The following TRPM5 variants were observed in gnomAD, a reference collection of about 807,000 sequenced individuals.
TRPM5 encodes the protein transient receptor potential cation channel subfamily M member 5, also known as MLSN1 and TRP-related.
TRPM5 carries 121 observed loss-of-function variants against 124.9 expected under a neutral mutation model. That is an observed-to-expected ratio of 0.97 (90% confidence interval 0.84 to 1.13). The LOEUF is 1.13. Among genes scored for constraint, TRPM5 ranks in the 50% most tolerant of loss-of-function variants. TRPM5 has a pLI of 0.00. For synonymous variants in TRPM5, 781 were observed against 700.5 expected (o/e 1.11, Z -1.81); for missense variants, 1,643 against 1,589.1 (o/e 1.03, Z -0.58).
chr11:2,415,987 C>T, exon 8 of TRPM5: 1 of 1,588,658 alleles, frequency 6.3e-7, no homozygotes, highest in Non-Finnish European at 8.6e-7. Flanking sequence ...TGAGCTCATC[C>T]AGATAGTCCT....
chr11:2,422,395 G>A (rs1393348675), intron 1 of TRPM5, 74 bp from the exon 7 acceptor site: 4 of 953,048 alleles, frequency 4.2e-6, no homozygotes, highest in Non-Finnish European at 5.9e-6. Flanking sequence ...GGGGGGGCTG[G>A]ACACAAGGGG....
chr11:2,414,009 G>GGGGGGGGCCCCCCCCCCCCCC, intron 12 of TRPM5, 52 bp downstream of exon 17: 11 of 1,023,702 alleles, frequency 1.1e-5, no homozygotes, highest in South Asian at 1.5e-5. Context: ...GGCCCAGCTC[G>GGGGGGGGCCCCCCCCCCCCCC]CCCGCCCACC....
the TRPM5 span, among the ~76,000 whole-genome samples, chr11:2,436,590 G>C: frequency 6.6e-6 from 1 of 152,360 alleles, no homozygotes; most frequent in South Asian, 2.1e-4. Context: ...GGAGGCCTCA[G>C]ACCTTTAGAT....
At chr11:2,412,813 C>T (rs1850478594) in exon 15 of TRPM5, 1 of 1,604,838 alleles carries the variant, frequency 6.2e-7, no homozygotes, top group Non-Finnish European at 8.5e-7. Context: ...ACCTCGGGCC[C>T]TGAGGGGCCC....
At chr11:2,432,018 A>G in the TRPM5 span, among the ~76,000 whole-genome samples, 1 of 152,192 alleles carries the variant, frequency 6.6e-6, no homozygotes, top group Non-Finnish European at 1.5e-5. Context: ...GAGCACTGCC[A>G]TCAAGGCAGA....
intron 2 of TRPM5, 65 bp from the exon 8 acceptor site, chr11:2,421,263 C>A (rs1845769067): frequency 5.3e-6 from 8 of 1,495,496 alleles, no homozygotes; most frequent in African/African-American, 1.4e-5. Context: ...TGGCCCCACG[C>A]CCTAACCCCT....
chr11:2,420,289 G>A (rs763955838), exon 4 of TRPM5: 24 of 1,612,282 alleles, frequency 1.5e-5, no homozygotes, highest in Middle Eastern at 3.3e-4. Context: ...TCAGCCCATC[G>A]CCCTTCCCCG....
intron 4 of TRPM5, among the ~76,000 whole-genome samples, chr11:2,419,634 A>C (rs995547113): frequency 2.6e-5 from 4 of 151,886 alleles, no homozygotes; most frequent in Non-Finnish European, 2.9e-5. Flanking sequence ...AAAAAAAAAA[A>C]AAAAAACAGA....
the TRPM5 span, among the ~76,000 whole-genome samples, chr11:2,434,145 A>G: frequency 7.1e-6 from 1 of 141,326 alleles, no homozygotes; most frequent in Non-Finnish European, 1.5e-5. Context: ...GTGTGTGTGG[A>G]GGCTGTGTGT....
intron 11 of TRPM5, 49 bp from the exon 17 acceptor site, chr11:2,414,255 C>A: frequency 6.4e-7 from 1 of 1,561,636 alleles, no homozygotes. Flanking sequence ...ATGCCCGGCC[C>A]GGCCCCCGAC....
chr11:2,435,233 G>A, the TRPM5 span, among the ~76,000 whole-genome samples: 1 of 152,186 alleles, frequency 6.6e-6, no homozygotes, highest in South Asian at 2.1e-4. This position sits in a 1 kb window ranked among gnomAD's most constrained non-coding sequence, Gnocchi z 4.1. Flanking sequence ...GAAAAATAAA[G>A]CAGGGGAGGC....
At chr11:2,415,148 G>A (rs754753125) in exon 9 of TRPM5, 5 of 1,574,866 alleles carry the variant, frequency 3.2e-6, no homozygotes, top group Admixed American at 1.8e-5. Context: ...CTGGCCGGCC[G>A]TCCTGGTAGA....
At chr11:2,410,772 C>T (rs1482809312) in intron 18 of TRPM5, 2 of 432,932 alleles carry the variant, frequency 4.6e-6, no homozygotes, top group Non-Finnish European at 9.2e-6. Flanking sequence ...AGGCCACACA[C>T]ACACATTGGG....
chr11:2,407,207 C>T (rs1565006215), exon 20 of TRPM5: 2 of 1,610,956 alleles, frequency 1.2e-6, no homozygotes. Flanking sequence ...AGGGCGGGGC[C>T]AGGGCGGGGC....
chr11:2,438,553 G>T, the TRPM5 span, among the ~76,000 whole-genome samples: 92 of 152,274 alleles, frequency 6.0e-4, no homozygotes, highest in African/African-American at 2.1e-3. The surrounding 1 kb of genome is among the most constrained non-coding windows in gnomAD (Gnocchi z 5.9). Context: ...TGTAGTCCTA[G>T]CTACTGGGGC....
chr11:2,406,924 G>A, intron 20 of TRPM5, 131 bp from the exon 26 acceptor site: 1 of 1,402,388 alleles, frequency 7.1e-7, no homozygotes, highest in South Asian at 1.4e-5. Flanking sequence ...TGGAGGGCAA[G>A]CATGGCCCTG....
chr11:2,425,010 A>G (rs946603149), upstream of TRPM5, among the ~76,000 whole-genome samples: 1 of 152,128 alleles, frequency 6.6e-6, no homozygotes, highest in Non-Finnish European at 1.5e-5. Flanking sequence ...CTGCCTCCAG[A>G]GCAGGAACCA....
In TRPM5 at chr11:2,405,063, C is replaced by A. The variant is rs763548721; in HGVS notation, c.3392-20G>T. 6.2e-7 allele frequency: 1 copy of A among 1,604,626 alleles called. No homozygotes were observed. Among genetic ancestry groups the A allele is most frequent in the African/African-American group, 1.3e-5 (1 of 74,714 alleles). ...GAGAGCCTGCTGGGAAGGAAGGCCC[C>A]CCTGAGCGGTGGGAACCAGCAAGGC... On this transcript the variant is annotated intron_variant, in intron 23 of 23. Coordinates refer to ENST00000155858, the Ensembl canonical transcript of TRPM5.
At chr11:2,404,296 C>T (rs905329174), downstream of TRPM5, among the ~76,000 whole-genome samples, 4 of 152,168 alleles carry the variant, frequency 2.6e-5, no homozygotes, top group African/African-American at 9.7e-5. Context: ...ACGTGGGGTA[C>T]AGTGTTTTCC....
Sources: gnomAD v4.1 joint callset for allele counts (sites outside exome capture counted in the v4.1 genomes callset) on GRCh38, gnomAD v4.1.1 for gene constraint, Gnocchi (gnomAD v3.1) non-coding constraint, MANE v1.5 for transcripts, NCBI Gene and HGNC (gene_info 2026-07-23, HGNC 2026-07-21) for gene names.